The following CLIC4 variants were observed in gnomAD, a reference collection of about 807,000 sequenced individuals.
The protein encoded by CLIC4 is chloride intracellular channel protein 4.
CLIC4 carries 13 observed loss-of-function variants against 24.6 expected under a neutral mutation model. The observed-to-expected ratio is 0.53, with a 90% CI of 0.34 to 0.84. CLIC4 has a LOEUF of 0.84. Ranked by LOEUF, CLIC4 falls within the 40% of genes least tolerant of loss-of-function variation. CLIC4 has a pLI of 0.01. For synonymous variants in CLIC4, 104 were observed against 111.3 expected, an observed-to-expected ratio of 0.93 and a Z score of 0.41; for missense variants, 227 against 301.7, an observed-to-expected ratio of 0.75 and a Z score of 1.83.
intron 1 of CLIC4, among the ~76,000 whole-genome samples, chr1:24,774,792 C>T (rs867894253): frequency 1.3e-5 from 2 of 151,734 alleles, no homozygotes; most frequent in African/African-American, 2.4e-5. Flanking sequence ...AAAAAAGGAC[C>T]GAGGGCAGTG....
chr1:24,786,465 G>T (rs1470179460), intron 1 of CLIC4, among the ~76,000 whole-genome samples: 2 of 152,116 alleles, frequency 1.3e-5, no homozygotes, highest in African/African-American at 4.8e-5. Flanking sequence ...AGGCTAGTGA[G>T]GAACACCCAG....
intron 1 of CLIC4, among the ~76,000 whole-genome samples, chr1:24,769,291 A>G (rs1426020079): frequency 6.6e-6 from 1 of 152,252 alleles, no homozygotes; most frequent in Non-Finnish European, 1.5e-5. Context: ...TTGTTTCCCT[A>G]CTAAAGCCAG....
rs1225358560 is a variant in CLIC4, at chr1:24,808,674, T to TA, written c.183-5416dup. ...GATGGGAGATCTATCTATCTATCTA[T>TA]AAAATTTTTTTTTTTTTTTTGAGAT... On this transcript the variant is annotated intron_variant, in intron 2 of 5. Coordinates refer to ENST00000374379, the MANE Select transcript of CLIC4 (RefSeq NM_013943.3). Among the ~76,000 whole-genome samples the TA allele has an allele frequency of 1.0e-3, 124 of 120,968 alleles. 1 individual carries two copies. The South Asian group carries it at 0.026, about 25-fold the overall frequency. 79.4% of individuals were successfully genotyped at this position (120,968 alleles called of 152,430 possible).
chr1:24,827,408 A>G (rs942761855), intron 4 of CLIC4, among the ~76,000 whole-genome samples: 1 of 152,238 alleles, frequency 6.6e-6, no homozygotes, highest in Non-Finnish European at 1.5e-5. Flanking sequence ...GAAGGGAGCT[A>G]GGCAAAGAAT....
chr1:24,824,996 TCACACACA>T (rs3220273), intron 3 of CLIC4, among the ~76,000 whole-genome samples: 1,425 of 133,940 alleles, frequency 0.011, 9 homozygotes, highest in African/African-American at 0.031. Flanking sequence ...GGAGACCCTG[TCACACACA>T]CACACACACA....
At chr1:24,758,867 A>C (rs186875337) in intron 1 of CLIC4, among the ~76,000 whole-genome samples, 7 of 151,932 alleles carry the variant, frequency 4.6e-5, no homozygotes, top group Admixed American at 3.9e-4. Context: ...ATAATATTTT[A>C]ATGCTGTTCA....
chr1:24,827,120 A>G lies in CLIC4; in HGVS notation c.415+4A>G, dbSNP rs1030035223. On this transcript the variant is annotated splice_donor_region_variant and intron_variant, in intron 4 of 5. Coordinates refer to ENST00000374379, the MANE Select transcript of CLIC4 (RefSeq NM_013943.3). ...TCAAGGCCAGAGGCTAATGAAGGTA[A>G]AAAACAAAAACTTGAATTAACATTG... The G allele has an allele frequency of 5.7e-6, 9 of 1,573,452 alleles. No homozygotes were observed. Among genetic ancestry groups the G allele is most frequent in the African/African-American group, 2.7e-5 (2 of 73,206 alleles).
intron 1 of CLIC4, among the ~76,000 whole-genome samples, chr1:24,750,890 G>T (rs554010854): frequency 4.6e-5 from 7 of 151,928 alleles, no homozygotes; most frequent in Admixed American, 2.0e-4. Flanking sequence ...ATATTTATAG[G>T]CAGATCTCCC....
At chr1:24,777,979 C>T (rs570460574) in intron 1 of CLIC4, 10 of 152,178 alleles carry the variant, frequency 6.6e-5, no homozygotes, top group Admixed American at 1.3e-4. Flanking sequence ...AAAGTAAGTA[C>T]TCTTTTTAAG....
At chr1:24,776,674 C>T (rs938171166) in intron 1 of CLIC4, among the ~76,000 whole-genome samples, 4 of 152,166 alleles carry the variant, frequency 2.6e-5, no homozygotes, top group African/African-American at 9.7e-5. Context: ...GGTGTCATGG[C>T]TCATGCCTGT....
rs565280208 is a variant in CLIC4 at position 24,813,605 on chromosome 1, G to A, written c.183-489G>A. Among the ~76,000 whole-genome samples, 6 of 150,572 alleles carry A rather than the reference G, an allele frequency of 4.0e-5. No individual in the cohort carries two copies. In the South Asian group the frequency reaches 1.3e-3, roughly 32 times the overall value. ...AGCTAATTTTTATATTTTTAGCAGA[G>A]ATGGGGTTTCACCATGCTGGCCAAG... On this transcript the variant is annotated intron_variant, in intron 2 of 5. Transcript: ENST00000374379.
At chr1:24,787,309 A>G (rs1175517573) in intron 1 of CLIC4, among the ~76,000 whole-genome samples, 1 of 152,062 alleles carries the variant, frequency 6.6e-6, no homozygotes. Context: ...CCTGGCCAAC[A>G]TGGTGAAACC....
intron 1 of CLIC4, among the ~76,000 whole-genome samples, chr1:24,758,475 T>C (rs972300733): frequency 5.3e-5 from 8 of 151,956 alleles, no homozygotes; most frequent in Admixed American, 3.9e-4. Flanking sequence ...TTTTTTTTTT[T>C]GAGGCAGAGT....
rs1639279652 is a variant in CLIC4, at chr1:24,787,311, G to A, written c.73-10431G>A. On this transcript the variant is annotated intron_variant, in intron 1 of 5. Transcript: ENST00000374379. Reference sequence around the variant, plus strand: ...AGTTTGAGACCAACCTGGCCAACATGGTGAAACCCTGTCTCTACTAAAGAT... The same window carrying A: ...AGTTTGAGACCAACCTGGCCAACATAGTGAAACCCTGTCTCTACTAAAGAT... Among the ~76,000 whole-genome samples the A allele has an allele frequency of 6.6e-5, 10 of 151,862 alleles. 1 individual carries two copies. In the South Asian group the frequency reaches 2.1e-3, roughly 32 times the overall value.
chr1:24,810,326 T>C (rs950346851), intron 2 of CLIC4, among the ~76,000 whole-genome samples: 1 of 152,184 alleles, frequency 6.6e-6, no homozygotes, highest in African/African-American at 2.4e-5. Context: ...TCTATAACAG[T>C]CCCCCACCTG....
At chr1:24,775,288 T>G (rs914277434) in intron 1 of CLIC4, among the ~76,000 whole-genome samples, 1 of 150,598 alleles carries the variant, frequency 6.6e-6, no homozygotes, top group African/African-American at 2.4e-5. Flanking sequence ...TATGGCATTA[T>G]TTGTATTGAA....
intron 4 of CLIC4, among the ~76,000 whole-genome samples, chr1:24,837,484 A>G (rs1230060398): frequency 1.3e-5 from 2 of 152,336 alleles, no homozygotes; most frequent in East Asian, 3.9e-4. Context: ...GTAAGGTTAT[A>G]CTTTCATATA....
intron 1 of CLIC4, among the ~76,000 whole-genome samples, chr1:24,785,854 C>CAAAAAAAAAAAAAAAAAAA (rs61009244): frequency 3.1e-4 from 18 of 58,870 alleles, no homozygotes; most frequent in South Asian, 7.2e-4. Flanking sequence ...GACTACAACT[C>CAAAAAAAAAAAAAAAAAAA]AAAAAAAAAA....
At chr1:24,790,317 C>CG (rs1288327634) in intron 1 of CLIC4, among the ~76,000 whole-genome samples, 2 of 152,242 alleles carry the variant, frequency 1.3e-5, no homozygotes, top group African/African-American at 4.8e-5. Context: ...GGTGATCTGC[C>CG]TGCCTTGGCC....
Sources: gnomAD v4.1 joint callset for allele counts (sites outside exome capture counted in the v4.1 genomes callset) on GRCh38, gnomAD v4.1.1 for gene constraint, MANE v1.5 for transcripts, NCBI Gene and HGNC (gene_info 2026-07-23, HGNC 2026-07-21) for gene names.